Variants in SYNPR observed in about 807,000 individuals in gnomAD.
SYNPR encodes synaptoporin.
Under a neutral mutation model 32.9 loss-of-function variants are expected in SYNPR, and 23 were observed. The ratio of observed to expected loss-of-function variants is 0.70; its 90% CI spans 0.50 to 0.99. The LOEUF (loss-of-function observed/expected upper bound fraction) is 0.99, where lower values mean the gene tolerates loss of function less well. Ranked by LOEUF, SYNPR falls within the 50% of genes least tolerant of loss-of-function variation. SYNPR has a pLI of 0.00. For missense variants in SYNPR, 318 were observed against 349.3 expected, an observed-to-expected ratio of 0.91 and a Z score of 0.71; for synonymous variants, 146 against 135.9, an observed-to-expected ratio of 1.07 and a Z score of -0.52.
chr3:63,331,568 A>G (rs2087229896), intron 2 of SYNPR, among the ~76,000 whole-genome samples: 1 of 152,144 alleles, frequency 6.6e-6, no homozygotes, highest in African/African-American at 2.4e-5. Context: ...TTTGAAGCTC[A>G]TTCCACCAAG....
chr3:63,354,317 T>A (rs564093262), intron 2 of SYNPR, among the ~76,000 whole-genome samples: 1 of 152,178 alleles, frequency 6.6e-6, no homozygotes, highest in Non-Finnish European at 1.5e-5. Flanking sequence ...TTTGCTTTCC[T>A]GAATCATCCA....
At chr3:63,526,576 G>A (rs1454684139) in intron 3 of SYNPR, among the ~76,000 whole-genome samples, 1 of 152,160 alleles carries the variant, frequency 6.6e-6, no homozygotes, top group Non-Finnish European at 1.5e-5. Flanking sequence ...TTAAGGGCAA[G>A]CGACACTAGA....
rs1268578669 is a variant in SYNPR, at chr3:63,595,816, G to A, written c.409-13309G>A. Among the ~76,000 whole-genome samples, 102 of 41,118 alleles carry A rather than the reference G, an allele frequency of 2.5e-3. 1 individual carries two copies. The East Asian group carries it at 0.035, about 14-fold the overall frequency. The allele number at this position is 41,118 out of a possible 152,430, so 27.0% of individuals were successfully genotyped here. ...ATATATATAGTTATATATATATATA[G>A]TTTTATATATATATAGTTATATATA... On this transcript the variant is annotated intron_variant, in intron 4 of 5. Coordinates refer to ENST00000478300, the MANE Select transcript of SYNPR (RefSeq NM_001130003.2).
At chr3:63,477,729 C>T (rs1158667244) in intron 2 of SYNPR, among the ~76,000 whole-genome samples, 1 of 151,558 alleles carries the variant, frequency 6.6e-6, no homozygotes, top group Non-Finnish European at 1.5e-5. Context: ...GCTGGCTCCC[C>T]ACTGTCCATC....
intron 2 of SYNPR, among the ~76,000 whole-genome samples, chr3:63,455,201 T>G (rs1700459118): frequency 1.3e-5 from 2 of 152,128 alleles, no homozygotes; most frequent in African/African-American, 4.8e-5. Context: ...TGCTATTACT[T>G]AATAATTGAA....
chr3:63,562,093 T>C (rs904743947), intron 4 of SYNPR, among the ~76,000 whole-genome samples: 5 of 152,182 alleles, frequency 3.3e-5, no homozygotes, highest in African/African-American at 1.2e-4. Flanking sequence ...AATGTCCGTG[T>C]GAATGGTGCA....
intron 2 of SYNPR, among the ~76,000 whole-genome samples, chr3:63,454,521 G>T (rs1391011289): frequency 6.6e-6 from 1 of 152,102 alleles, no homozygotes; most frequent in Non-Finnish European, 1.5e-5. Flanking sequence ...AAACAAACAG[G>T]TGAATTGCAT....
intron 2 of SYNPR, among the ~76,000 whole-genome samples, chr3:63,328,029 T>C (rs540076669): frequency 1.3e-5 from 2 of 152,300 alleles, no homozygotes; most frequent in East Asian, 1.9e-4. Flanking sequence ...AATTGCAAAA[T>C]ATTATTTAAA....
intron 3 of SYNPR, among the ~76,000 whole-genome samples, chr3:63,536,167 A>G (rs968550308): frequency 1.3e-5 from 2 of 152,132 alleles, no homozygotes; most frequent in Non-Finnish European, 2.9e-5. Flanking sequence ...GTAATTCATC[A>G]AGAAAGTGAA....
chr3:63,247,204 T>A (rs75487514), intron 1 of SYNPR, among the ~76,000 whole-genome samples: 2,007 of 152,252 alleles, frequency 0.013, 39 homozygotes, highest in African/African-American at 0.046. Context: ...AGATCATTAA[T>A]GTTAAAATGG....
chr3:63,204,899 G>T, the SYNPR span, among the ~76,000 whole-genome samples: 2 of 152,048 alleles, frequency 1.3e-5, no homozygotes, highest in African/African-American at 4.8e-5. Flanking sequence ...TCATGGCCAG[G>T]CTGGTTTCAA....
chr3:63,354,233 C>T (rs9829816), intron 2 of SYNPR, among the ~76,000 whole-genome samples: 75,437 of 152,002 alleles, frequency 0.5, 20,588 homozygotes, highest in African/African-American at 0.73. Context: ...TAAGGGGCAA[C>T]TGGGATTTCA....
chr3:63,551,628 G>A (rs1428863342), intron 3 of SYNPR, among the ~76,000 whole-genome samples: 1 of 152,102 alleles, frequency 6.6e-6, no homozygotes, highest in Non-Finnish European at 1.5e-5. Context: ...CACCCTAGTG[G>A]ATGTGAAGTA....
At chr3:63,233,618 T>C (rs974389381) in intron 1 of SYNPR, among the ~76,000 whole-genome samples, 3 of 152,228 alleles carry the variant, frequency 2.0e-5, no homozygotes, top group Non-Finnish European at 4.4e-5. Flanking sequence ...ATGTCTGCAC[T>C]CAACCTAAGT....
At chr3:63,614,234 TA>T (rs1212839491) in intron 5 of SYNPR, among the ~76,000 whole-genome samples, 1 of 152,230 alleles carries the variant, frequency 6.6e-6, no homozygotes, top group African/African-American at 2.4e-5. Flanking sequence ...ATACTACTGT[TA>T]CCTGTCTCCA....
chr3:63,226,017 A>T (rs889391117), upstream of SYNPR, among the ~76,000 whole-genome samples: 1 of 152,198 alleles, frequency 6.6e-6, no homozygotes, highest in Non-Finnish European at 1.5e-5. Flanking sequence ...AAGGAAAAAT[A>T]TAAAAAATTA....
At chr3:63,416,550 A>C (rs2088542924) in intron 2 of SYNPR, among the ~76,000 whole-genome samples, 1 of 147,714 alleles carries the variant, frequency 6.8e-6, no homozygotes, top group Admixed American at 6.7e-5. Context: ...AAAAAAAAAA[A>C]AACCAAAAAA....
At chr3:63,319,840 G>T (rs946228276) in intron 2 of SYNPR, among the ~76,000 whole-genome samples, 1 of 151,976 alleles carries the variant, frequency 6.6e-6, no homozygotes, top group Non-Finnish European at 1.5e-5. Context: ...ATATCATGTT[G>T]TTGTATTGTT....
At position 63,442,191 on chromosome 3, in the gene SYNPR, G is replaced by A. The variant is rs147548890; in HGVS notation, c.85-38641G>A. ...TGTGTGTGTGTGTGTGTGTGTGCAC[G>A]CATGAAAGAGAGAGAGAGAAGGAGA... On this transcript the variant is annotated intron_variant, in intron 2 of 5. Coordinates refer to ENST00000478300, the MANE Select transcript of SYNPR (RefSeq NM_001130003.2). 5.6e-3 allele frequency among the ~76,000 whole-genome samples: 824 copies of A among 146,012 alleles called. 6 individuals are homozygous for A. Among genetic ancestry groups the A allele is most frequent in the African/African-American group, 0.02 (771 of 37,788 alleles).
Sources: gnomAD v4.1 joint callset for allele counts (sites outside exome capture counted in the v4.1 genomes callset) on GRCh38, gnomAD v4.1.1 for gene constraint, MANE v1.5 for transcripts, NCBI Gene and HGNC (gene_info 2026-07-23, HGNC 2026-07-21) for gene names.